The following ADAMTS9 variants were observed in gnomAD, a reference collection of about 807,000 sequenced individuals.
ADAMTS9 encodes the protein A disintegrin and metalloproteinase with thrombospondin motifs 9.
Under a neutral mutation model 257.1 loss-of-function variants are expected in ADAMTS9, and 107 were observed. The ratio of observed to expected loss-of-function variants is 0.42; its 90% CI spans 0.36 to 0.49. The LOEUF is 0.49. Ranked by LOEUF, ADAMTS9 falls within the 20% of genes least tolerant of loss-of-function variation. The pLI, the probability that ADAMTS9 is intolerant of heterozygous loss-of-function variation, is 0.03. For synonymous variants in ADAMTS9, 982 were observed against 880.9 expected, an observed-to-expected ratio of 1.11 and a Z score of -2.03; for missense variants, 2,353 against 2,469.1, an observed-to-expected ratio of 0.95 and a Z score of 1.00.
chr3:64,541,273 C>A, intron 35 of ADAMTS9, 45 bp from the exon 36 acceptor site: 1 of 1,613,956 alleles, frequency 6.2e-7, no homozygotes, highest in Non-Finnish European at 8.5e-7. Context: ...GAAAGCATTT[C>A]CAGGGATCTC....
At chr3:64,658,445 A>T in intron 4 of ADAMTS9, 57 bp downstream of exon 4, 5 of 1,543,168 alleles carry the variant, frequency 3.2e-6, no homozygotes, top group Non-Finnish European at 4.4e-6. Flanking sequence ...GTGGAAACCC[A>T]TTCCCCAATG....
intron 29 of ADAMTS9, chr3:64,563,382 T>C (rs2083462557): frequency 6.6e-6 from 1 of 152,198 alleles, no homozygotes; most frequent in Non-Finnish European, 1.5e-5. Flanking sequence ...TCTGGAACAA[T>C]ATATCCAAAT....
At chr3:64,635,612 A>C (rs980388624) in intron 12 of ADAMTS9, among the ~76,000 whole-genome samples, 2 of 152,188 alleles carry the variant, frequency 1.3e-5, no homozygotes, top group African/African-American at 4.8e-5. Flanking sequence ...GTGCTTTTAT[A>C]CCAAGTGACA....
At chr3:64,612,016 T>TA (rs1175493344) in intron 22 of ADAMTS9, among the ~76,000 whole-genome samples, 2 of 152,190 alleles carry the variant, frequency 1.3e-5, no homozygotes, top group Non-Finnish European at 2.9e-5. Flanking sequence ...AATATTAATT[T>TA]AAAAAATATT....
At chr3:64,535,067 C>A (rs1004032876) in intron 37 of ADAMTS9, among the ~76,000 whole-genome samples, 1 of 152,110 alleles carries the variant, frequency 6.6e-6, no homozygotes, top group African/African-American at 2.4e-5. Context: ...ACCTGGCAGA[C>A]AGTAGGTAAT....
intron 39 of ADAMTS9, among the ~76,000 whole-genome samples, chr3:64,521,820 A>G (rs1351567702): frequency 6.6e-6 from 1 of 152,220 alleles, no homozygotes; most frequent in Non-Finnish European, 1.5e-5. Context: ...AAAACTATTT[A>G]TTGGATACTA....
At chr3:64,573,554 T>C (rs968721512) in intron 28 of ADAMTS9, among the ~76,000 whole-genome samples, 26 of 152,238 alleles carry the variant, frequency 1.7e-4, no homozygotes, top group Non-Finnish European at 2.4e-4. Flanking sequence ...GGCCTTTCCC[T>C]TGTGAGTCTA....
chr3:64,678,989 A>T (rs1460496024), intron 3 of ADAMTS9, among the ~76,000 whole-genome samples: 1 of 152,180 alleles, frequency 6.6e-6, no homozygotes, highest in East Asian at 1.9e-4. Flanking sequence ...CTAGGAGGAA[A>T]ACTAAAAGTA....
chr3:64,561,812 G>A, intron 29 of ADAMTS9, 61 bp from the exon 30 acceptor site: 3 of 1,189,750 alleles, frequency 2.5e-6, no homozygotes, highest in Non-Finnish European at 3.6e-6. Flanking sequence ...GGGGGCGGGG[G>A]GTGTCGAGGG....
At chr3:64,539,355 G>A in intron 36 of ADAMTS9, 61 bp from the exon 37 acceptor site, 1 of 1,378,452 alleles carries the variant, frequency 7.3e-7, no homozygotes, top group Non-Finnish European at 1.0e-6. Context: ...AGGCAAGGAA[G>A]GAACAGGACA....
chr3:64,638,643 C>A (rs1700559731), intron 12 of ADAMTS9, among the ~76,000 whole-genome samples: 1 of 152,126 alleles, frequency 6.6e-6, no homozygotes, highest in Non-Finnish European at 1.5e-5. Context: ...AGGGCCCCAC[C>A]TGTAACACCA....
chr3:64,636,229 C>A (rs186340353), intron 12 of ADAMTS9, among the ~76,000 whole-genome samples: 26 of 152,170 alleles, frequency 1.7e-4, no homozygotes, highest in African/African-American at 6.0e-4. Context: ...TTGCTTTGAC[C>A]ACTATAACAT....
chr3:64,528,422 C>T (rs1397640007), intron 38 of ADAMTS9, among the ~76,000 whole-genome samples: 1 of 152,156 alleles, frequency 6.6e-6, no homozygotes, highest in Non-Finnish European at 1.5e-5. Context: ...CCATGGCCTC[C>T]TTTCTGTCTG....
At position 64,541,447 on chromosome 3, in the gene ADAMTS9, C is replaced by T. The variant is rs549869473; in HGVS notation, c.5293-33G>A. 3.7e-6 allele frequency: 6 copies of T among 1,611,740 alleles called. No homozygotes were observed. The Admixed American group carries it at 6.7e-5, about 18-fold the overall frequency. ...ACCATAAATAACCCATGAAGAGTGG[C>T]TCAGAAATGAGGTAATGAGAGCGGT... is the stretch of plus-strand genomic sequence containing the variant. On this transcript the variant is annotated intron_variant, in intron 34 of 39. Coordinates refer to ENST00000498707, the MANE Select transcript of ADAMTS9 (RefSeq NM_182920.2).
At chr3:64,552,567 T>C (rs2083282825) in intron 30 of ADAMTS9, among the ~76,000 whole-genome samples, 1 of 150,590 alleles carries the variant, frequency 6.6e-6, no homozygotes, top group Admixed American at 7.0e-5. Flanking sequence ...TGTCTTTTCT[T>C]TTCTTTCCTT....
At chr3:64,666,188 T>C (rs1286667643) in intron 3 of ADAMTS9, among the ~76,000 whole-genome samples, 5 of 152,174 alleles carry the variant, frequency 3.3e-5, no homozygotes, top group Non-Finnish European at 7.3e-5. Flanking sequence ...TACAATAAAA[T>C]GCACAGTATG....
At chr3:64,518,763 C>CTTTTTTTT (rs1491154708) in intron 39 of ADAMTS9, among the ~76,000 whole-genome samples, 1 of 88,732 alleles carries the variant, frequency 1.1e-5, no homozygotes, top group African/African-American at 3.4e-5. Flanking sequence ...ATTACCTTTT[C>CTTTTTTTT]ATTTTTTTTT....
intron 37 of ADAMTS9, among the ~76,000 whole-genome samples, chr3:64,538,458 G>A (rs375303288): frequency 4.7e-5 from 7 of 150,264 alleles, no homozygotes; most frequent in African/African-American, 1.5e-4. Flanking sequence ...TAGGAAACCC[G>A]GCAAAGTTAA....
chr3:64,590,079 C>A (rs2106778990), intron 28 of ADAMTS9: 1 of 152,204 alleles, frequency 6.6e-6, no homozygotes, highest in South Asian at 2.1e-4. Context: ...ATAAATGGAG[C>A]ATGCATATTT....
Sources: allele counts gnomAD v4.1 joint callset (sites outside exome capture counted in the v4.1 genomes callset), GRCh38; gene constraint gnomAD v4.1.1; transcripts MANE v1.5; gene names NCBI Gene and HGNC (gene_info 2026-07-23, HGNC 2026-07-21).